SLC30A7: variants seen among roughly 807,000 people sequenced by gnomAD.
SLC30A7 encodes the protein zinc transporter 7.
Under a neutral mutation model 46.0 loss-of-function variants are expected in SLC30A7, and 35 were observed. The observed-to-expected ratio is 0.76, with a 90% CI of 0.58 to 1.01. The LOEUF (loss-of-function observed/expected upper bound fraction) is 1.01, where lower values mean the gene tolerates loss of function less well. Ranked by LOEUF, SLC30A7 falls within the 50% of genes least tolerant of loss-of-function variation. SLC30A7 has a pLI of 0.00. For missense variants in SLC30A7, 464 were observed against 451.1 expected, an observed-to-expected ratio of 1.03 and a Z score of -0.26; for synonymous variants, 147 against 157.8, an observed-to-expected ratio of 0.93 and a Z score of 0.51.
At chr1:100,965,373 T>C (rs975364455) in intron 9 of SLC30A7, among the ~76,000 whole-genome samples, 1 of 152,258 alleles carries the variant, frequency 6.6e-6, no homozygotes, top group Non-Finnish European at 1.5e-5. Context: ...CTTCAGGGAA[T>C]ACATCTAATG....
At chr1:100,921,922 A>T in intron 8 of SLC30A7, 81 bp downstream of exon 8, 1 of 1,248,940 alleles carries the variant, frequency 8.0e-7, no homozygotes, top group Non-Finnish European at 1.1e-6. Flanking sequence ...CTAAAATACA[A>T]ATAATTATGT....
intron 3 of SLC30A7, among the ~76,000 whole-genome samples, chr1:100,910,597 A>T (rs1570513743): frequency 6.6e-6 from 1 of 152,272 alleles, no homozygotes; most frequent in Non-Finnish European, 1.5e-5. Flanking sequence ...TGCTTTCCAA[A>T]GGTTTGAAAG....
intron 5 of SLC30A7, 42 bp downstream of exon 5, chr1:100,912,280 GT>G (rs1302427855): frequency 3.0e-5 from 48 of 1,595,038 alleles, no homozygotes; most frequent in Non-Finnish European, 3.9e-5. Flanking sequence ...TTTCTACTAG[GT>G]TTCTGTCATA....
intron 1 of SLC30A7, 93 bp downstream of exon 1, chr1:100,896,435 C>G (rs963843044): frequency 6.8e-7 from 1 of 1,468,466 alleles, no homozygotes; most frequent in Non-Finnish European, 9.5e-7. Context: ...GAGGGAGAGT[C>G]AAAAACTCCC....
chr1:100,967,087 T>TCA (rs1655910697), intron 10 of SLC30A7, among the ~76,000 whole-genome samples: 1 of 152,198 alleles, frequency 6.6e-6, no homozygotes, highest in Non-Finnish European at 1.5e-5. Flanking sequence ...AATAAGAAGG[T>TCA]CATGTCAGTA....
intron 8 of SLC30A7, among the ~76,000 whole-genome samples, chr1:100,958,518 T>G (rs894290606): frequency 9.2e-5 from 14 of 152,290 alleles, no homozygotes; most frequent in African/African-American, 2.9e-4. Context: ...TCTGTTTCTG[T>G]TTTTCTTCAT....
chr1:100,914,442 TG>T (rs1652343332), intron 6 of SLC30A7, among the ~76,000 whole-genome samples: 1 of 152,202 alleles, frequency 6.6e-6, no homozygotes, highest in Non-Finnish European at 1.5e-5. Context: ...AGGCCTTTTG[TG>T]CTATATTGGC....
intron 8 of SLC30A7, among the ~76,000 whole-genome samples, chr1:100,927,618 A>G (rs1653392830): frequency 6.6e-6 from 1 of 152,218 alleles, no homozygotes; most frequent in South Asian, 2.1e-4. Flanking sequence ...GCAAACAACC[A>G]GAATAGTTGT....
chr1:100,963,287 G>C (rs1655657041), intron 9 of SLC30A7, among the ~76,000 whole-genome samples: 1 of 152,160 alleles, frequency 6.6e-6, no homozygotes, highest in South Asian at 2.1e-4. Flanking sequence ...GAAAGGTAGT[G>C]GTTAGTGGTG....
chr1:100,935,287 T>G (rs1044495647), intron 8 of SLC30A7, among the ~76,000 whole-genome samples: 1 of 152,234 alleles, frequency 6.6e-6, no homozygotes, highest in African/African-American at 2.4e-5. Context: ...CATCAAAACC[T>G]GGGTTCCTCA....
intron 8 of SLC30A7, among the ~76,000 whole-genome samples, chr1:100,953,103 C>G (rs1655044224): frequency 6.6e-6 from 1 of 152,148 alleles, no homozygotes; most frequent in Non-Finnish European, 1.5e-5. Context: ...TTCACTGTCT[C>G]TTTCTCTCCT....
chr1:100,923,225 C>T (rs1398363842), intron 8 of SLC30A7, among the ~76,000 whole-genome samples: 2 of 107,790 alleles, frequency 1.9e-5, no homozygotes, highest in Non-Finnish European at 4.2e-5. Context: ...ACCGTGTTAG[C>T]CAGGATGGTC....
chr1:100,920,688 A>G (rs1414122641), intron 7 of SLC30A7, among the ~76,000 whole-genome samples: 2 of 151,962 alleles, frequency 1.3e-5, no homozygotes, highest in Admixed American at 6.5e-5. Flanking sequence ...ACATTTCTTG[A>G]GTTTGTTTGT....
intron 8 of SLC30A7, among the ~76,000 whole-genome samples, chr1:100,953,544 G>C (rs1020047844): frequency 1.3e-5 from 2 of 152,210 alleles, no homozygotes; most frequent in South Asian, 2.1e-4. Flanking sequence ...TTAAAATGCA[G>C]ATTTGCCTAA....
At chr1:100,896,777 T>G (rs1650987816) in intron 2 of SLC30A7, 106 bp downstream of exon 2, 1 of 901,340 alleles carries the variant, frequency 1.1e-6, no homozygotes, top group Non-Finnish European at 1.8e-6. Flanking sequence ...AGGTCCTACC[T>G]TTGTTACCTA....
chr1:100,954,526 G>C (rs1253431034), intron 8 of SLC30A7, among the ~76,000 whole-genome samples: 3 of 152,066 alleles, frequency 2.0e-5, no homozygotes, highest in Non-Finnish European at 4.4e-5. Context: ...AGATGCATTA[G>C]GTGTTATAAC....
At chr1:100,918,497 A>G (rs1652740090) in intron 7 of SLC30A7, among the ~76,000 whole-genome samples, 1 of 152,148 alleles carries the variant, frequency 6.6e-6, no homozygotes. Flanking sequence ...CTTGAATATA[A>G]GTAATACCCA....
At chr1:100,932,770 A>T (rs573521064) in intron 8 of SLC30A7, among the ~76,000 whole-genome samples, 2 of 152,298 alleles carry the variant, frequency 1.3e-5, no homozygotes, top group East Asian at 3.9e-4. Context: ...AAATAAAAAC[A>T]ATACAGAGCT....
chr1:100,962,813 T>C (rs1297899329), intron 9 of SLC30A7, among the ~76,000 whole-genome samples: 2 of 152,222 alleles, frequency 1.3e-5, no homozygotes, highest in African/African-American at 4.8e-5. Flanking sequence ...TATGAAGTTA[T>C]TGTCCTCTAA....
Sources: gnomAD v4.1 joint callset for allele counts (sites outside exome capture counted in the v4.1 genomes callset) on GRCh38, gnomAD v4.1.1 for gene constraint, MANE v1.5 for transcripts, NCBI Gene and HGNC (gene_info 2026-07-23, HGNC 2026-07-21) for gene names.